STK35: variants seen among roughly 807,000 people sequenced by gnomAD.
The protein encoded by STK35 is serine/threonine kinase 35.
In STK35, 17 loss-of-function variants were observed where a neutral mutation model predicts 37.3. The observed-to-expected ratio is 0.46, with a 90% CI of 0.31 to 0.68. The LOEUF (loss-of-function observed/expected upper bound fraction) is 0.68, where lower values mean the gene tolerates loss of function less well. Among genes scored for constraint, STK35 ranks in the 30% least tolerant of loss-of-function variants. STK35 has a pLI of 0.05. For missense variants in STK35, 595 were observed against 746.7 expected (o/e 0.80, Z 2.37); for synonymous variants, 385 against 319.1 (o/e 1.21, Z -2.20).
At chr20:2,135,555 G>A (rs927107633) in intron 3 of STK35, among the ~76,000 whole-genome samples, 4 of 152,176 alleles carry the variant, frequency 2.6e-5, no homozygotes, top group Admixed American at 2.0e-4. Flanking sequence ...GGTCTAGAAA[G>A]AGGCTTTGTG....
chr20:2,124,741 T>C (rs1006728781), intron 3 of STK35, among the ~76,000 whole-genome samples: 2 of 151,866 alleles, frequency 1.3e-5, no homozygotes. Context: ...AGTCTTCAAC[T>C]GTGAAGACCC....
Position 2,147,842 on chromosome 20 carries a change from T to C in STK35, c.*4096T>C, listed in dbSNP as rs903425897. The C allele has an allele frequency of 1.3e-5, 2 of 151,906 alleles. No individual in the cohort carries two copies. The highest frequency in any genetic ancestry group is 2.4e-5 in the African/African-American group (1 of 41,332). The allele number at this position is 151,906 out of a possible 1,614,324, so 9.4% of individuals were successfully genotyped here. The stretch of plus-strand genomic sequence containing the variant: ...TTGTTTAGCTCTTCAGGCCACTGGG[T>C]TTTGGAGGCAGAAGTCCAGAGATAC... On this transcript the variant is annotated 3_prime_UTR_variant, in exon 4 of 4. Transcript: ENST00000381482.
chr20:2,135,454 T>C (rs1319952524), intron 3 of STK35, among the ~76,000 whole-genome samples: 1 of 152,224 alleles, frequency 6.6e-6, no homozygotes, highest in Non-Finnish European at 1.5e-5. Flanking sequence ...GTCCAACATA[T>C]CTGGCAGGAC....
In STK35 at chr20:2,139,478, T is replaced by G. The variant is rs73892042; in HGVS notation, c.*38-4306T>G. On this transcript the variant is annotated intron_variant, in intron 3 of 3. Transcript: ENST00000381482. The stretch of plus-strand genomic sequence containing the variant: ...TTTTAAACTCCACTTAAGACTCTTC[T>G]TGTCTTCTCTAGGAAGGGATTTTGC... Among the ~76,000 whole-genome samples the G allele has an allele frequency of 1.2e-3, 185 of 152,332 alleles. 1 individual carries two copies. Among genetic ancestry groups the G allele is most frequent in the African/African-American group, 4.2e-3 (174 of 41,566 alleles).
At chr20:2,103,448 C>A in intron 2 of STK35, 83 bp downstream of exon 2, 1 of 1,346,080 alleles carries the variant, frequency 7.4e-7, no homozygotes, top group Non-Finnish European at 1.0e-6. Context: ...TGTTCCTGGC[C>A]TTCCTAGGCC....
intron 3 of STK35, among the ~76,000 whole-genome samples, chr20:2,141,644 A>G (rs1986173570): frequency 6.6e-6 from 1 of 152,220 alleles, no homozygotes; most frequent in Non-Finnish European, 1.5e-5. Context: ...AGGGAAGAGG[A>G]AAATCCAGTC....
At chr20:2,119,311 C>T (rs1985775999) in intron 3 of STK35, among the ~76,000 whole-genome samples, 1 of 152,190 alleles carries the variant, frequency 6.6e-6, no homozygotes, top group African/African-American at 2.4e-5. Context: ...AGACCAACCT[C>T]TGCGAAGGAC....
At chr20:2,132,916 G>A (rs868087938) in intron 3 of STK35, among the ~76,000 whole-genome samples, 75 of 152,178 alleles carry the variant, frequency 4.9e-4, no homozygotes, top group African/African-American at 1.6e-3. Flanking sequence ...TGTGTCCGGC[G>A]CAGTTCCTAG....
intron 3 of STK35, among the ~76,000 whole-genome samples, chr20:2,127,453 T>A (rs1029122949): frequency 6.6e-6 from 1 of 152,188 alleles, no homozygotes. Context: ...AAGACTCTGT[T>A]GTTAGTAACC....
At chr20:2,127,703 G>A (rs1402382390) in intron 3 of STK35, among the ~76,000 whole-genome samples, 1 of 152,124 alleles carries the variant, frequency 6.6e-6, no homozygotes, top group East Asian at 1.9e-4. Context: ...AGGTATAGCA[G>A]GAAAAGCCTT....
At position 2,117,462 on chromosome 20, in the gene STK35, G is replaced by T. The variant is rs79619597; in HGVS notation, c.*37+47G>T. On this transcript the variant is annotated intron_variant, in intron 3 of 3. Transcript: ENST00000381482. This position sits in a 1 kb window ranked among gnomAD's most constrained non-coding sequence, Gnocchi z 4.4. Reference sequence around the variant, plus strand: ...TTTTTGTTTTTTGTTTTGAGACAGGGTCTCACTCTGTTGGTCAGGCTGGGG... The same window carrying T: ...TTTTTGTTTTTTGTTTTGAGACAGGTTCTCACTCTGTTGGTCAGGCTGGGG... The T allele has an allele frequency of 2.9e-3, 3,270 of 1,139,590 alleles. 36 individuals are homozygous for T. In the African/African-American group the frequency reaches 0.035, roughly 12 times the overall value. The allele number at this position is 1,139,590 out of a possible 1,614,324, so 70.6% of individuals were successfully genotyped here. A position where few individuals can be genotyped will look rare whatever the true frequency, so the allele number is the denominator to read the frequency against.
At chr20:2,132,340 A>G (rs141701919) in intron 3 of STK35, among the ~76,000 whole-genome samples, 40 of 152,388 alleles carry the variant, frequency 2.6e-4, no homozygotes, top group African/African-American at 8.7e-4. Flanking sequence ...AGAACAGATT[A>G]GGATATTTGA....
At position 2,106,488 on chromosome 20, in the gene STK35, A is replaced by C. The variant is rs535789374; in HGVS notation, c.892+3123A>C. ...GCCCCAATGGAACTTACATTTGAAA[A>C]GTTTGAGAACTGGAAGAAGATTTAA... On this transcript the variant is annotated intron_variant, in intron 2 of 3. Transcript: ENST00000381482. Among the ~76,000 whole-genome samples, 5 of 152,362 alleles carry C rather than the reference A, an allele frequency of 3.3e-5. No individual in the cohort carries two copies. In the South Asian group the frequency reaches 1.0e-3, roughly 32 times the overall value.
chr20:2,117,216 A>G lies in STK35; in HGVS notation c.1443A>G (p.Leu481=), dbSNP rs758095620. ...TCGTCCCTGTTGGTGAGGCGCTGCT[A>G]GAAAACCCAAAGATGGAGTTGCACA... is the stretch of plus-strand genomic sequence containing the variant. The part of the protein sequence containing the change: ...TEIVPVGEAL[L]ENPKMELHIP... The change falls in exon 3 of 4, where the codon CTA becomes CTG. Residue 481 remains leucine (L), a synonymous_variant. Coordinates refer to ENST00000381482, the MANE Select transcript of STK35 (RefSeq NM_080836.4). The surrounding 1 kb of genome is among the most constrained non-coding windows in gnomAD (Gnocchi z 4.4). 1 of 1,614,154 alleles carries G rather than the reference A, an allele frequency of 6.2e-7. No homozygotes were observed. Among genetic ancestry groups the G allele is most frequent in the Non-Finnish European group, 8.5e-7 (1 of 1,179,996 alleles).
chr20:2,106,762 C>T (rs559362646), intron 2 of STK35, among the ~76,000 whole-genome samples: 9 of 152,290 alleles, frequency 5.9e-5, no homozygotes, highest in African/African-American at 2.2e-4. Context: ...GTTTGATAGC[C>T]TTAAATGCAT....
intron 3 of STK35, among the ~76,000 whole-genome samples, chr20:2,122,673 G>A (rs1443436931): frequency 6.6e-6 from 1 of 152,092 alleles, no homozygotes; most frequent in African/African-American, 2.4e-5. Context: ...TGAGGTTGTT[G>A]GGGGAATCAC....
At chr20:2,104,151 G>A (rs553360540) in intron 2 of STK35, among the ~76,000 whole-genome samples, 1 of 152,282 alleles carries the variant, frequency 6.6e-6, no homozygotes, top group South Asian at 2.1e-4. Flanking sequence ...AATTATCTTA[G>A]TTTCCGGGTT....
rs547627168 is a variant in STK35 at position 2,116,034 on chromosome 20, A to G, written c.893-632A>G. 2.0e-5 allele frequency among the ~76,000 whole-genome samples: 3 copies of G among 152,170 alleles called. No individual in the cohort carries two copies. In the South Asian group the frequency reaches 6.2e-4, roughly 32 times the overall value. On this transcript the variant is annotated intron_variant, in intron 2 of 3. Transcript: ENST00000381482. ...GCTTTTGATGGTTGCTGCTGTGGATACCTGTCATCTCCTTGAAACTAAGCC... is the reference window on the plus strand; with the variant it reads ...GCTTTTGATGGTTGCTGCTGTGGATGCCTGTCATCTCCTTGAAACTAAGCC...
At chr20:2,135,689 C>A (rs1465195628) in intron 3 of STK35, among the ~76,000 whole-genome samples, 2 of 152,162 alleles carry the variant, frequency 1.3e-5, no homozygotes, top group Admixed American at 1.3e-4. Flanking sequence ...ATGGCGAAAC[C>A]CTGTCTCTAC....
Sources: allele counts gnomAD v4.1 joint callset (sites outside exome capture counted in the v4.1 genomes callset), GRCh38; gene constraint gnomAD v4.1.1; non-coding constraint Gnocchi (gnomAD v3.1); transcripts MANE v1.5; gene names NCBI Gene and HGNC (gene_info 2026-07-23, HGNC 2026-07-21).